ADAMTS6: variants seen among roughly 807,000 people sequenced by gnomAD.
ADAMTS6 encodes A disintegrin and metalloproteinase with thrombospondin motifs 6.
ADAMTS6 carries 23 observed loss-of-function variants against 144.3 expected under a neutral mutation model. The ratio of observed to expected loss-of-function variants is 0.16; its 90% CI spans 0.11 to 0.23. The LOEUF (loss-of-function observed/expected upper bound fraction) is 0.23. Among genes scored for constraint, ADAMTS6 ranks in the 10% least tolerant of loss-of-function variants. ADAMTS6 has a pLI of 1.00. For synonymous variants in ADAMTS6, 444 were observed against 457.5 expected, an observed-to-expected ratio of 0.97 and a Z score of 0.38; for missense variants, 999 against 1,379.6, an observed-to-expected ratio of 0.72 and a Z score of 4.37.
chr5:65,288,103 T>A (rs1741874561), intron 11 of ADAMTS6, among the ~76,000 whole-genome samples: 1 of 151,878 alleles, frequency 6.6e-6, no homozygotes, highest in Admixed American at 6.6e-5. Flanking sequence ...ACAGAAAAAT[T>A]TTCATGTAAA....
At chr5:65,308,418 T>C (rs1355183203) in intron 9 of ADAMTS6, among the ~76,000 whole-genome samples, 2 of 152,058 alleles carry the variant, frequency 1.3e-5, no homozygotes, top group Non-Finnish European at 2.9e-5. Context: ...CCTTTAATCA[T>C]TTAATTTCTG....
intron 7 of ADAMTS6, among the ~76,000 whole-genome samples, chr5:65,450,497 GAAATAA>G (rs1277797111): frequency 6.6e-6 from 1 of 152,074 alleles, no homozygotes; most frequent in African/African-American, 2.4e-5. Context: ...CTTGCAAATT[GAAATAA>G]CCATCATACC....
intron 7 of ADAMTS6, among the ~76,000 whole-genome samples, chr5:65,385,581 TTTTTA>T (rs1450517149): frequency 1.3e-5 from 2 of 152,300 alleles, no homozygotes; most frequent in African/African-American, 2.4e-5. Context: ...TTATCATCAT[TTTTTA>T]TTTTATTTAT....
chr5:65,310,878 T>A (rs1031318689), intron 9 of ADAMTS6, among the ~76,000 whole-genome samples: 1 of 152,230 alleles, frequency 6.6e-6, no homozygotes, highest in Non-Finnish European at 1.5e-5. Flanking sequence ...GTTACTTTTC[T>A]TCATAACACT....
chr5:65,240,185 T>TA (rs1242807073), intron 15 of ADAMTS6, among the ~76,000 whole-genome samples: 1 of 151,918 alleles, frequency 6.6e-6, no homozygotes, highest in Non-Finnish European at 1.5e-5. Context: ...TTTTTTTTTT[T>TA]AAGAGAACTC....
intron 7 of ADAMTS6, among the ~76,000 whole-genome samples, chr5:65,414,939 A>G (rs1053855784): frequency 6.6e-6 from 1 of 152,200 alleles, no homozygotes; most frequent in Non-Finnish European, 1.5e-5. Context: ...GATTTCTGAG[A>G]TATGACACTA....
chr5:65,283,094 G>A (rs1182970392), intron 11 of ADAMTS6, among the ~76,000 whole-genome samples: 1 of 152,000 alleles, frequency 6.6e-6, no homozygotes, highest in Non-Finnish European at 1.5e-5. Context: ...ACAGCTGCTT[G>A]CAATAAAGGA....
At chr5:65,450,376 C>G (rs1758640241) in intron 7 of ADAMTS6, among the ~76,000 whole-genome samples, 1 of 152,192 alleles carries the variant, frequency 6.6e-6, no homozygotes, top group East Asian at 1.9e-4. Flanking sequence ...CTAAAGTTTA[C>G]ATTATCTTAC....
At chr5:65,409,818 C>T (rs1182700321) in intron 7 of ADAMTS6, among the ~76,000 whole-genome samples, 1 of 152,174 alleles carries the variant, frequency 6.6e-6, no homozygotes, top group East Asian at 1.9e-4. Flanking sequence ...TGGGCTTCAT[C>T]CCTGGGATGC....
At chr5:65,418,997 C>T (rs1303038827) in intron 7 of ADAMTS6, among the ~76,000 whole-genome samples, 16 of 152,126 alleles carry the variant, frequency 1.1e-4, no homozygotes, top group Admixed American at 1.0e-3. Context: ...GGAGATTTTT[C>T]AAAGAACTTG....
At chr5:65,465,055 T>C (rs1218157376) in intron 3 of ADAMTS6, among the ~76,000 whole-genome samples, 1 of 152,238 alleles carries the variant, frequency 6.6e-6, no homozygotes, top group Non-Finnish European at 1.5e-5. Flanking sequence ...CCTTTGCAGC[T>C]GCATTTAGCC....
At chr5:65,180,098 T>C (rs931987277) in intron 22 of ADAMTS6, among the ~76,000 whole-genome samples, 2 of 152,180 alleles carry the variant, frequency 1.3e-5, no homozygotes, top group African/African-American at 4.8e-5. Context: ...GTACTAGTTG[T>C]GGATGAGGCT....
intron 24 of ADAMTS6, among the ~76,000 whole-genome samples, chr5:65,164,022 G>T (rs1451068038): frequency 1.3e-5 from 2 of 152,198 alleles, no homozygotes; most frequent in Non-Finnish European, 2.9e-5. Context: ...GACAGAGGGG[G>T]AGGAGCCAAG....
At chr5:65,303,489 C>T (rs1371405285) in intron 9 of ADAMTS6, among the ~76,000 whole-genome samples, 1 of 151,876 alleles carries the variant, frequency 6.6e-6, no homozygotes, top group African/African-American at 2.4e-5. Context: ...TATATTCTTC[C>T]AATCAGTCAC....
chr5:65,314,356 A>G (rs953089239), intron 9 of ADAMTS6, among the ~76,000 whole-genome samples: 1 of 152,072 alleles, frequency 6.6e-6, no homozygotes, highest in Non-Finnish European at 1.5e-5. Context: ...GCACACATCC[A>G]CACCCACACC....
At chr5:65,276,601 A>C (rs1762564302) in intron 11 of ADAMTS6, among the ~76,000 whole-genome samples, 1 of 152,220 alleles carries the variant, frequency 6.6e-6, no homozygotes, top group Non-Finnish European at 1.5e-5. Context: ...ACTTTCAGAA[A>C]TACACTTCTT....
intron 11 of ADAMTS6, among the ~76,000 whole-genome samples, chr5:65,282,370 T>C (rs1015811107): frequency 6.6e-6 from 1 of 152,036 alleles, no homozygotes; most frequent in African/African-American, 2.4e-5. Context: ...GGATAAGGAA[T>C]TGTGAAAATC....
intron 22 of ADAMTS6, 128 bp from the exon 23 acceptor site, chr5:65,173,136 G>T: frequency 2.3e-6 from 2 of 877,732 alleles, no homozygotes; most frequent in South Asian, 1.9e-5. Flanking sequence ...TCTAGGCAAA[G>T]TCTCTCAGAT....
intron 9 of ADAMTS6, among the ~76,000 whole-genome samples, chr5:65,300,586 A>C (rs1335047538): frequency 6.6e-6 from 1 of 152,252 alleles, no homozygotes; most frequent in African/African-American, 2.4e-5. Flanking sequence ...AGCTATGATC[A>C]GTTGAGTTTT....
Sources: allele counts gnomAD v4.1 joint callset (sites outside exome capture counted in the v4.1 genomes callset), GRCh38; gene constraint gnomAD v4.1.1; transcripts MANE v1.5; gene names NCBI Gene and HGNC (gene_info 2026-07-23, HGNC 2026-07-21).